NME8: variants seen among roughly 807,000 people sequenced by gnomAD.
NME8 encodes protein NME8.
A neutral mutation model predicts 82.3 loss-of-function variants in NME8; 72 were observed. That is an observed-to-expected ratio of 0.87 (90% CI 0.72 to 1.06). The LOEUF (loss-of-function observed/expected upper bound fraction) is 1.06, where lower values mean the gene tolerates loss of function less well. NME8 is among the 50% of genes least tolerant of loss of function. The pLI, the probability that NME8 is intolerant of heterozygous loss-of-function variation, is 0.00. For synonymous variants in NME8, 267 were observed against 228.5 expected (o/e 1.17, Z -1.52); for missense variants, 712 against 685.4 (o/e 1.04, Z -0.43).
At chr7:37,872,290 T>C (rs1227314833) in intron 11 of NME8, among the ~76,000 whole-genome samples, 1 of 152,166 alleles carries the variant, frequency 6.6e-6, no homozygotes, top group Non-Finnish European at 1.5e-5. Flanking sequence ...CACAAGCTTG[T>C]AGAGGTCATC....
intron 12 of NME8, among the ~76,000 whole-genome samples, chr7:37,879,357 G>A (rs1273056039): frequency 6.6e-6 from 1 of 152,008 alleles, no homozygotes; most frequent in Non-Finnish European, 1.5e-5. Flanking sequence ...ATGTTGGCCA[G>A]GGTAGTCTAA....
intron 11 of NME8, among the ~76,000 whole-genome samples, chr7:37,870,007 C>G (rs1383994802): frequency 2.0e-5 from 3 of 152,114 alleles, no homozygotes; most frequent in Admixed American, 2.0e-4. Context: ...AAGAATGTAA[C>G]CACATCTGAA....
Position 37,882,587 on chromosome 7 carries a change from GAAAGAA to G in NME8, c.995-1714_995-1709del, listed in dbSNP as rs1430262623. 3.6e-3 allele frequency among the ~76,000 whole-genome samples: 247 copies of G among 68,954 alleles called. 1 individual carries two copies. Among genetic ancestry groups the G allele is most frequent in the African/African-American group, 0.015 (229 of 15,482 alleles). The allele number at this position is 68,954 out of a possible 152,430, so 45.2% of individuals were successfully genotyped here. ...AGAAAGAAAGAAAGAAAGAAAGAAAGAAAGAAAGAAAGAGAGAGAGAGAGAGAGAAA... is the reference window on the plus strand; with the variant it reads ...AGAAAGAAAGAAAGAAAGAAAGAAAGAGAAAGAGAGAGAGAGAGAGAGAAA... On this transcript the variant is annotated intron_variant, in intron 12 of 17. Coordinates refer to ENST00000199447, the MANE Select transcript of NME8 (RefSeq NM_016616.5).
At chr7:37,883,533 G>A (rs1056953181) in intron 12 of NME8, among the ~76,000 whole-genome samples, 2 of 152,152 alleles carry the variant, frequency 1.3e-5, no homozygotes, top group Non-Finnish European at 2.9e-5. Context: ...GGAGCTTAAG[G>A]CTGTTCAAGA....
In NME8 at chr7:37,888,424, AAG is replaced by A. The variant is rs777659589; in HGVS notation, c.1398_1399del (p.Glu467AlafsTer7). 1.2e-6 allele frequency: 2 copies of A among 1,612,432 alleles called. No individual in the cohort carries two copies. Among genetic ancestry groups the A allele is most frequent in the East Asian group, 4.5e-5 (2 of 44,800 alleles). ...LIKPHATSEQ[R>X]EQILKIVKEA... is the part of the protein sequence containing the mutation. ...TTAAACCTCATGCAACAAGTGAACA[AAG>A]AGGTAAATATTTAAGAATAAAAGTG... is the stretch of plus-strand genomic sequence containing the variant. On this transcript the variant is annotated frameshift_variant and splice_region_variant, in exon 15 of 18. Transcript: ENST00000199447. LOFTEE classifies it high-confidence loss of function.
intron 12 of NME8, among the ~76,000 whole-genome samples, chr7:37,882,343 C>T (rs1031900762): frequency 3.3e-5 from 5 of 151,750 alleles, no homozygotes; most frequent in Admixed American, 1.3e-4. Flanking sequence ...AAAACGTAGC[C>T]GGGCGTGGTG....
At chr7:37,863,357 A>C in intron 7 of NME8, 39 bp from the exon 8 acceptor site, 1 of 1,220,654 alleles carries the variant, frequency 8.2e-7, no homozygotes, top group Non-Finnish European at 1.2e-6. Flanking sequence ...ATATTAAAAC[A>C]TAACTGTGTT....
chr7:37,888,473 T>C (rs1237398753), intron 15 of NME8, 45 bp downstream of exon 15: 1 of 1,564,132 alleles, frequency 6.4e-7, no homozygotes, highest in South Asian at 1.2e-5. Context: ...TTTCTCCAAA[T>C]TTTGTGAACA....
At chr7:37,892,440 C>T (rs1439786226) in intron 15 of NME8, among the ~76,000 whole-genome samples, 1 of 151,026 alleles carries the variant, frequency 6.6e-6, no homozygotes, top group Non-Finnish European at 1.5e-5. Context: ...TAAAAATATT[C>T]TCTTTTGGTA....
At chr7:37,895,449 G>C (rs1210875240) in intron 16 of NME8, among the ~76,000 whole-genome samples, 1 of 152,168 alleles carries the variant, frequency 6.6e-6, no homozygotes, top group Non-Finnish European at 1.5e-5. Flanking sequence ...ACCAGGGCTA[G>C]AAGTTGTCCG....
chr7:37,883,849 T>TGG (rs1167877320), intron 12 of NME8, among the ~76,000 whole-genome samples: 6 of 152,186 alleles, frequency 3.9e-5, no homozygotes, highest in Non-Finnish European at 1.5e-5. Context: ...CCTTCAGGTA[T>TGG]TCAATCACCT....
rs562316338 is a variant in NME8 at position 37,862,645 on chromosome 7, A to T, written c.387+501A>T. On this transcript the variant is annotated intron_variant, in intron 7 of 17. Coordinates refer to ENST00000199447, the MANE Select transcript of NME8 (RefSeq NM_016616.5). ...GATATTGATTATTGGTTTGAGAAAT[A>T]TTTTTTTTTTAGTTAAGGAAATATC... Among the ~76,000 whole-genome samples the T allele has an allele frequency of 5.2e-3, 779 of 149,868 alleles. 25 individuals are homozygous for T. The East Asian group carries it at 0.077, about 15-fold the overall frequency.
chr7:37,864,466 CAA>C, intron 9 of NME8, 45 bp downstream of exon 9: 1 of 253,530 alleles, frequency 3.9e-6, no homozygotes, highest in Non-Finnish European at 6.8e-6. Flanking sequence ...TGCAAAATAA[CAA>C]CCTCTTAATC....
chr7:37,856,056 T>C (rs1372251691), intron 5 of NME8, among the ~76,000 whole-genome samples: 1 of 152,192 alleles, frequency 6.6e-6, no homozygotes, highest in Non-Finnish European at 1.5e-5. Context: ...TCTTGTAATG[T>C]CATGATTTTT....
chr7:37,886,368 A>G (rs1340995476), intron 14 of NME8, among the ~76,000 whole-genome samples: 1 of 152,168 alleles, frequency 6.6e-6, no homozygotes, highest in Non-Finnish European at 1.5e-5. Context: ...TCTCCACCCC[A>G]CTATCATACT....
intron 9 of NME8, among the ~76,000 whole-genome samples, chr7:37,865,089 G>A (rs1013591459): frequency 1.3e-5 from 2 of 152,070 alleles, no homozygotes; most frequent in Admixed American, 6.6e-5. Flanking sequence ...TTTCAAAAAC[G>A]AATCATGGTT....
chr7:37,862,096 G>T lies in NME8; in HGVS notation c.339G>T (p.Leu113Phe). The T allele has an allele frequency of 6.2e-7, 1 of 1,613,644 alleles. No individual in the cohort carries two copies. Among genetic ancestry groups the T allele is most frequent in the Non-Finnish European group, 8.5e-7 (1 of 1,179,724 alleles). Reference protein sequence around the residue: ...APLVNKKVINLIDEERKIAAG... With the variant: ...APLVNKKVINFIDEERKIAAG... ...TTGTTAATAAAAAAGTTATTAATTT[G>T]ATCGATGAGGAGAGAAAAATTGCAG... The change falls in exon 7 of 18, where the codon TTG becomes TTT. Residue 113 changes from leucine (L) to phenylalanine (F), a missense_variant. By Grantham distance (22) the Leu-to-Phe change is conservative (BLOSUM62 0). Transcript: ENST00000199447.
chr7:37,897,081 G>T lies in NME8; in HGVS notation c.1756G>T (p.Glu586Ter), dbSNP rs767768717. 3.7e-6 allele frequency: 6 copies of T among 1,608,286 alleles called. 1 individual carries two copies. The highest frequency in any genetic ancestry group is 1.7e-4 in the Middle Eastern group (1 of 6,044). The stretch of plus-strand genomic sequence containing the variant: ...TGTTAATAGACTCTTTGAGGATCCT[G>T]AGGAAAACTAAAGTATATACTGTGA... ...EVVNRLFEDP[E>*]EN Residue 586 changes from glutamate to a stop codon, truncating the protein, a stop_gained, in exon 17 of 18, where the codon GAG (glutamate) becomes TAG (stop). Coordinates refer to ENST00000199447, the MANE Select transcript of NME8 (RefSeq NM_016616.5). LOFTEE classifies it low-confidence loss of function (END_TRUNC).
At chr7:37,894,422 AAGTG>A in intron 15 of NME8, 40 bp from the exon 16 acceptor site, 1 of 1,592,106 alleles carries the variant, frequency 6.3e-7, no homozygotes, top group Non-Finnish European at 8.6e-7. Context: ...TATGGAGGAA[AAGTG>A]AAGCAATCTG....
Sources: gnomAD v4.1 joint callset for allele counts (sites outside exome capture counted in the v4.1 genomes callset) on GRCh38, gnomAD v4.1.1 for gene constraint, MANE v1.5 for transcripts, NCBI Gene and HGNC (gene_info 2026-07-23, HGNC 2026-07-21) for gene names.